CD3D: variants seen among roughly 807,000 people sequenced by gnomAD.
CD3D encodes the protein T-cell surface glycoprotein CD3 delta chain.
Under a neutral mutation model 22.0 loss-of-function variants are expected in CD3D, and 22 were observed. That is an observed-to-expected ratio of 1.00 (90% CI 0.71 to 1.43). The LOEUF (loss-of-function observed/expected upper bound fraction) is 1.43. Among genes scored for constraint, CD3D ranks in the 40% most tolerant of loss-of-function variants. CD3D has a pLI of 0.00. For synonymous variants in CD3D, 74 were observed against 81.2 expected (o/e 0.91, Z 0.48); for missense variants, 205 against 211.7 (o/e 0.97, Z 0.20).
In CD3D at chr11:118,339,826, C is replaced by A; in HGVS notation, c.355G>T (p.Ala119Ser). 1 of 1,613,924 alleles carries A rather than the reference C, an allele frequency of 6.2e-7. No homozygotes were observed. Among genetic ancestry groups the A allele is most frequent in the Non-Finnish European group, 8.5e-7 (1 of 1,180,008 alleles). Residue 119 changes from alanine to serine, a missense_variant, in exon 3 of 5, where the codon GCT becomes TCT. Physicochemically the swap from Ala to Ser is moderately conservative, Grantham distance 99. Coordinates refer to ENST00000300692, the MANE Select transcript of CD3D (RefSeq NM_000732.6). ...VTDVIATLLL[A>S]LGVFCFAGHE... ...CCAGCAAAGCAGAAGACTCCCAAAG[C>A]AAGGAGCAGAGTGGCAATGACATCA...
intron 1 of CD3D, among the ~76,000 whole-genome samples, chr11:118,341,123 C>T (rs1948296427): frequency 6.6e-6 from 1 of 152,190 alleles, no homozygotes; most frequent in South Asian, 2.1e-4. Flanking sequence ...GAAGCCTTTC[C>T]CAGGGCCAGG....
Position 118,339,709 on chromosome 11 carries a change from TAC to T in CD3D, c.406+64_406+65del, listed in dbSNP as rs67065773. The T allele has an allele frequency of 0.23, 338,956 of 1,490,142 alleles. 5,004 individuals carry two copies. The highest frequency in any genetic ancestry group is 0.39 in the East Asian group (16,487 of 42,002). 92.3% of individuals were successfully genotyped at this position (1,490,142 alleles called of 1,614,324 possible). ...CTTAGCTGGTGCATAAGCTCACTGG[TAC>T]ACACACACACACACACACACACACA... On this transcript the variant is annotated intron_variant, in intron 3 of 4. Transcript: ENST00000300692.
rs746931576 is a variant in CD3D at position 118,339,504 on chromosome 11, C to T, written c.407-10G>A. On this transcript the variant is annotated splice_polypyrimidine_tract_variant and intron_variant, in intron 3 of 4. Transcript: ENST00000300692. Reference sequence around the variant, plus strand: ...GCTTGTGTGTCGGCAGCTAGAAGAACCAGAGAGAGACATCAATGGCCTAGC... The same window carrying T: ...GCTTGTGTGTCGGCAGCTAGAAGAATCAGAGAGAGACATCAATGGCCTAGC... 3.1e-6 allele frequency: 5 copies of T among 1,614,120 alleles called. No individual in the cohort carries two copies. Among genetic ancestry groups the T allele is most frequent in the Non-Finnish European group, 2.5e-6 (3 of 1,180,006 alleles).
In CD3D at chr11:118,339,529, C is replaced by A. The variant is rs1224069996; in HGVS notation, c.407-35G>T. On this transcript the variant is annotated intron_variant, in intron 3 of 4. Coordinates refer to ENST00000300692, the MANE Select transcript of CD3D (RefSeq NM_000732.6). ...CCAGAGAGAGACATCAATGGCCTAG[C>A]AGATGGGACTGTGAGATCCACCCTC... 4 of 1,613,508 alleles carry A rather than the reference C, an allele frequency of 2.5e-6. No individual in the cohort carries two copies. In the South Asian group the frequency reaches 4.4e-5, roughly 18 times the overall value.
chr11:118,339,564 C>T, intron 3 of CD3D, 70 bp from the exon 4 acceptor site: 1 of 1,591,490 alleles, frequency 6.3e-7, no homozygotes, highest in Non-Finnish European at 8.6e-7. Flanking sequence ...CCCACACCCT[C>T]AGAAGTCTGC....
In CD3D at chr11:118,339,864, C is replaced by A. The variant is rs996998665; in HGVS notation, c.317G>T (p.Gly106Val). The stretch of plus-strand genomic sequence containing the variant: ...GGCAATGACATCAGTGACAATGATG[C>A]CAGCCACGGTGGCTGGATCCAGCTC... The part of the protein sequence containing the change: ...CVELDPATVA[G>V]IIVTDVIATL... The change falls in exon 3 of 5, where the codon GGC (glycine) becomes GTC (valine). Residue 106 changes from glycine to valine, a missense_variant. Gly to Val is a moderately radical substitution (Grantham distance 109, BLOSUM62 -3). Transcript: ENST00000300692. The A allele has an allele frequency of 3.1e-6, 5 of 1,613,708 alleles. No homozygotes were observed. In the Admixed American group the frequency reaches 5.0e-5, roughly 16 times the overall value.
intron 1 of CD3D, chr11:118,340,810 G>C (rs983205974): frequency 1.5e-6 from 1 of 673,616 alleles, no homozygotes; most frequent in African/African-American, 1.8e-5. Flanking sequence ...TCAAGCAGAG[G>C]ACAGGTCTTG....
chr11:118,339,943 C>T (rs1481327939), intron 2 of CD3D, 37 bp from the exon 3 acceptor site: 1 of 1,613,592 alleles, frequency 6.2e-7, no homozygotes. Context: ...AGGTTGAGAG[C>T]CTTTAAGATC....
At chr11:118,341,059 C>T (rs974659349) in intron 1 of CD3D, 1 of 423,468 alleles carries the variant, frequency 2.4e-6, no homozygotes, top group African/African-American at 2.0e-5. Context: ...TATCCTCATC[C>T]TTCCTCATTG....
intron 4 of CD3D, 53 bp from the exon 5 acceptor site, chr11:118,339,280 G>C (rs538224426): frequency 6.4e-7 from 1 of 1,567,706 alleles, no homozygotes; most frequent in East Asian, 2.2e-5. Context: ...ACTCTTCAAG[G>C]AAGGGCCCCA....
rs768378803 is a variant in CD3D, at chr11:118,339,443, A to G, written c.450+8T>C. ...CTTCATTCCTGCCTCCTTCCCCTCA[A>G]CGCTCACCTGATAGACCTGGTCATT... is the stretch of plus-strand genomic sequence containing the variant. On this transcript the variant is annotated splice_region_variant and intron_variant, in intron 4 of 4. Transcript: ENST00000300692. The G allele has an allele frequency of 7.4e-6, 12 of 1,613,632 alleles. No individual in the cohort carries two copies. Among genetic ancestry groups the G allele is most frequent in the African/African-American group, 1.3e-5 (1 of 74,786 alleles).
Position 118,339,872 on chromosome 11 carries a change from G to A in CD3D, c.309C>T (p.Thr103=), listed in dbSNP as rs777386322. 3.4e-5 allele frequency: 55 copies of A among 1,613,718 alleles called. No individual in the cohort carries two copies. Among genetic ancestry groups the A allele is most frequent in the East Asian group, 2.7e-4 (12 of 44,896 alleles). The change falls in exon 3 of 5, where the codon ACC becomes ACT. Residue 103 remains threonine, a synonymous_variant. Transcript: ENST00000300692. ...CATCAGTGACAATGATGCCAGCCAC[G>A]GTGGCTGGATCCAGCTCCACACAGC... is the stretch of plus-strand genomic sequence containing the variant. ...CQSCVELDPA[T]VAGIIVTDVI... is the part of the protein sequence containing the mutation.
rs1473476476 is a variant in CD3D, at chr11:118,340,793, A to T, written c.56-200T>A. 6 of 681,952 alleles carry T rather than the reference A, an allele frequency of 8.8e-6. No homozygotes were observed. The African/African-American group carries it at 8.8e-5, about 10-fold the overall frequency. 42.2% of individuals were successfully genotyped at this position (681,952 alleles called of 1,614,324 possible). On this transcript the variant is annotated intron_variant, in intron 1 of 4. Transcript: ENST00000300692. ...TGCAGGGGTCAAGGGGGACATGAGG[A>T]TGCCATTCAAGCAGAGGACAGGTCT... is the stretch of plus-strand genomic sequence containing the variant.
At chr11:118,339,067 G>C, downstream of CD3D, 1 of 1,142,012 alleles carries the variant, frequency 8.8e-7, no homozygotes, top group South Asian at 1.2e-5. Context: ...AGAAGCCCAG[G>C]CACCTGCTGA....
At position 118,340,589 on chromosome 11, in the gene CD3D, G is replaced by T; in HGVS notation, c.60C>A (p.Ser20Arg). 7 of 1,609,908 alleles carry T rather than the reference G, an allele frequency of 4.3e-6. No individual in the cohort carries two copies. Among genetic ancestry groups the T allele is most frequent in the Non-Finnish European group, 8.5e-7 (1 of 1,176,534 alleles). ...LVLATLLSQV[S>R]PFKIPIEELE... is the part of the protein sequence containing the mutation. ...GTTCCTCTATAGGTATCTTGAAGGG[G>T]CTCACTAAAGGGGAAAAAATATCAC... The change falls in exon 2 of 5, where the codon AGC (serine) becomes AGA (arginine). Residue 20 changes from serine to arginine, a missense_variant. Physicochemically the swap from Ser to Arg is moderately radical, Grantham distance 110. Coordinates refer to ENST00000300692, the MANE Select transcript of CD3D (RefSeq NM_000732.6).
chr11:118,342,342 T>C (rs1948306396), intron 1 of CD3D, among the ~76,000 whole-genome samples: 1 of 152,020 alleles, frequency 6.6e-6, no homozygotes, highest in East Asian at 1.9e-4. Flanking sequence ...GGCTAATTCT[T>C]TTGTTTTTTG....
rs201299420 is a variant in CD3D, at chr11:118,340,371, G to A, written c.274+4C>T. 195 of 1,610,320 alleles carry A rather than the reference G, an allele frequency of 1.2e-4. No homozygotes were observed. The highest frequency in any genetic ancestry group is 1.7e-4 in the Admixed American group (10 of 60,002). Reference sequence around the variant, plus strand: ...CCAACCCAAAGGGTTCAGGAAGCACGTACTTCGATAATGAACTTGCACGGT... The same window carrying A: ...CCAACCCAAAGGGTTCAGGAAGCACATACTTCGATAATGAACTTGCACGGT... On this transcript the variant is annotated splice_donor_region_variant and intron_variant, in intron 2 of 4. Transcript: ENST00000300692.
At chr11:118,339,553 T>C in intron 3 of CD3D, 59 bp from the exon 4 acceptor site, 2 of 1,600,038 alleles carry the variant, frequency 1.2e-6, no homozygotes. Context: ...AGATCCACCC[T>C]CCCACACCCT....
intron 3 of CD3D, 41 bp from the exon 4 acceptor site, chr11:118,339,535 G>A (rs1213090513): frequency 1.7e-5 from 27 of 1,612,136 alleles, no homozygotes; most frequent in Non-Finnish European, 2.2e-5. Context: ...CTAGCAGATG[G>A]GACTGTGAGA....
Sources: gnomAD v4.1 joint callset for allele counts (sites outside exome capture counted in the v4.1 genomes callset) on GRCh38, gnomAD v4.1.1 for gene constraint, MANE v1.5 for transcripts, NCBI Gene and HGNC (gene_info 2026-07-23, HGNC 2026-07-21) for gene names.